Variants in CNTNAP5 observed in about 807,000 individuals in gnomAD.
The protein encoded by CNTNAP5 is contactin associated protein family member 5, also known as contactin-associated protein-like 5.
A neutral mutation model predicts 150.2 loss-of-function variants in CNTNAP5; 72 were observed. That is an observed-to-expected ratio of 0.48 (90% confidence interval 0.40 to 0.58). The LOEUF is 0.58. Among genes scored for constraint, CNTNAP5 ranks in the 20% least tolerant of loss-of-function variants. CNTNAP5 has a pLI of 0.00. For synonymous variants in CNTNAP5, 672 were observed against 619.8 expected (o/e 1.08, Z -1.25); for missense variants, 1,636 against 1,626.2 (o/e 1.01, Z -0.10).
intron 11 of CNTNAP5, among the ~76,000 whole-genome samples, chr2:124,591,336 A>G (rs550498374): frequency 1.3e-5 from 2 of 152,288 alleles, no homozygotes; most frequent in South Asian, 2.1e-4. Context: ...AAGTCATTTC[A>G]TATACAGTGG....
chr2:124,588,190 TTCTTTC>T (rs1418291594), intron 11 of CNTNAP5, among the ~76,000 whole-genome samples: 2 of 97,508 alleles, frequency 2.1e-5, no homozygotes, highest in Non-Finnish European at 4.8e-5. Context: ...CTTTCTTTCT[TTCTTTC>T]TTTCTTTCTT....
intron 10 of CNTNAP5, among the ~76,000 whole-genome samples, chr2:124,562,354 T>A (rs1695912091): frequency 6.6e-6 from 1 of 152,216 alleles, no homozygotes; most frequent in Non-Finnish European, 1.5e-5. Flanking sequence ...TCTGTTATAA[T>A]CATGTTTGTC....
intron 19 of CNTNAP5, among the ~76,000 whole-genome samples, chr2:124,807,586 AC>A (rs1682107523): frequency 6.6e-6 from 1 of 152,200 alleles, no homozygotes; most frequent in Admixed American, 6.5e-5. Context: ...AGGTTAAATG[AC>A]TTGTCCAAGA....
chr2:124,460,852 T>C (rs1026565003), intron 6 of CNTNAP5, among the ~76,000 whole-genome samples: 1 of 151,898 alleles, frequency 6.6e-6, no homozygotes, highest in Non-Finnish European at 1.5e-5. Flanking sequence ...TATGATAGAA[T>C]AGTTATAGAT....
intron 19 of CNTNAP5, among the ~76,000 whole-genome samples, chr2:124,801,830 GA>G (rs1247993254): frequency 7.3e-5 from 11 of 150,536 alleles, no homozygotes; most frequent in South Asian, 2.1e-4. Flanking sequence ...ACACTGTCGT[GA>G]AAAAAAAATA....
chr2:124,214,286 T>C (rs183183319), intron 1 of CNTNAP5, among the ~76,000 whole-genome samples: 1 of 152,238 alleles, frequency 6.6e-6, no homozygotes, highest in African/African-American at 2.4e-5. Flanking sequence ...ATAAAATATG[T>C]CCTAAAATCG....
intron 7 of CNTNAP5, among the ~76,000 whole-genome samples, chr2:124,503,310 G>C (rs984087746): frequency 1.3e-5 from 2 of 152,150 alleles, no homozygotes; most frequent in African/African-American, 4.8e-5. Context: ...TGTTCTTCCA[G>C]GTAGAGGCTT....
chr2:124,824,494 A>C (rs1216464518), intron 19 of CNTNAP5, among the ~76,000 whole-genome samples: 1 of 152,190 alleles, frequency 6.6e-6, no homozygotes, highest in African/African-American at 2.4e-5. Flanking sequence ...CATTAGCCAG[A>C]ATCTCACTCT....
At chr2:124,759,052 A>T (rs1185004312) in intron 14 of CNTNAP5, among the ~76,000 whole-genome samples, 2 of 152,132 alleles carry the variant, frequency 1.3e-5, no homozygotes, top group Non-Finnish European at 2.9e-5. Context: ...AAAATATTTT[A>T]TGCAAGAAAT....
At chr2:124,798,019 C>T (rs576098940) in intron 18 of CNTNAP5, 77 bp from the exon 19 acceptor site, 139 of 1,094,382 alleles carry the variant, frequency 1.3e-4, no homozygotes, top group Middle Eastern at 4.1e-4. Context: ...GCATAGGAAA[C>T]GAGAAAGCAG....
At chr2:124,231,047 A>G (rs1686604918) in intron 2 of CNTNAP5, among the ~76,000 whole-genome samples, 1 of 152,144 alleles carries the variant, frequency 6.6e-6, no homozygotes, top group Non-Finnish European at 1.5e-5. Flanking sequence ...AGAAGCTGGG[A>G]CATCCACCAG....
At chr2:124,390,478 T>C (rs1416249529) in intron 3 of CNTNAP5, among the ~76,000 whole-genome samples, 2 of 152,172 alleles carry the variant, frequency 1.3e-5, no homozygotes, top group Non-Finnish European at 2.9e-5. Flanking sequence ...CTGATAAATA[T>C]TATTATGAGA....
intron 1 of CNTNAP5, among the ~76,000 whole-genome samples, chr2:124,183,213 G>A (rs1360709829): frequency 6.6e-6 from 1 of 152,134 alleles, no homozygotes; most frequent in African/African-American, 2.4e-5. Flanking sequence ...ATTAGTGGTA[G>A]AATACGGGAG....
At chr2:124,235,874 G>A (rs901694858) in intron 2 of CNTNAP5, among the ~76,000 whole-genome samples, 2 of 152,090 alleles carry the variant, frequency 1.3e-5, no homozygotes, top group African/African-American at 2.4e-5. Context: ...GGTCATTCCA[G>A]ATTTTCTTAC....
intron 1 of CNTNAP5, among the ~76,000 whole-genome samples, chr2:124,084,928 T>TG (rs201216400): frequency 7.6e-6 from 1 of 131,138 alleles, no homozygotes; most frequent in Non-Finnish European, 1.6e-5. Context: ...TTTCCTGTTT[T>TG]TTTTTTTTTT....
At chr2:124,788,747 C>T (rs1156260844) in intron 17 of CNTNAP5, among the ~76,000 whole-genome samples, 1 of 152,010 alleles carries the variant, frequency 6.6e-6, no homozygotes, top group African/African-American at 2.4e-5. Flanking sequence ...ATTCTCCTGC[C>T]TCAGCCTCCC....
intron 16 of CNTNAP5, among the ~76,000 whole-genome samples, chr2:124,771,731 C>G (rs1681198876): frequency 6.6e-6 from 1 of 151,332 alleles, no homozygotes; most frequent in South Asian, 2.1e-4. Flanking sequence ...CCACCATCAC[C>G]ACCACCGTTA....
chr2:124,349,754 C>T (rs1377183213), intron 3 of CNTNAP5, among the ~76,000 whole-genome samples: 4 of 152,004 alleles, frequency 2.6e-5, no homozygotes, highest in Non-Finnish European at 4.4e-5. Context: ...TTAGAGCTCT[C>T]ATGCAAACCA....
At chr2:124,287,833 C>CT (rs1322511076) in intron 3 of CNTNAP5, among the ~76,000 whole-genome samples, 1 of 152,122 alleles carries the variant, frequency 6.6e-6, no homozygotes, top group South Asian at 2.1e-4. Context: ...AAAGCTACAT[C>CT]TTTTTTGCTT....
Sources: gnomAD v4.1 joint callset for allele counts (sites outside exome capture counted in the v4.1 genomes callset) on GRCh38, gnomAD v4.1.1 for gene constraint, MANE v1.5 for transcripts, NCBI Gene and HGNC (gene_info 2026-07-23, HGNC 2026-07-21) for gene names.